The following CBLB variants were observed in gnomAD, a reference collection of about 807,000 sequenced individuals.
CBLB encodes E3 ubiquitin-protein ligase CBL-B.
Under a neutral mutation model 104.9 loss-of-function variants are expected in CBLB, and 31 were observed. The observed-to-expected ratio is 0.30, with a 90% confidence interval of 0.22 to 0.40. The LOEUF is 0.40. Among genes scored for constraint, CBLB ranks in the 10% least tolerant of loss-of-function variants. The pLI, the probability that CBLB is intolerant of heterozygous loss-of-function variation, is 1.00. For missense variants in CBLB, 1,062 were observed against 1,214.6 expected, an observed-to-expected ratio of 0.87 and a Z score of 1.87; for synonymous variants, 440 against 422.6, an observed-to-expected ratio of 1.04 and a Z score of -0.51.
chr3:105,787,104 T>A (rs1170508437), intron 3 of CBLB, among the ~76,000 whole-genome samples: 1 of 152,188 alleles, frequency 6.6e-6, no homozygotes, highest in African/African-American at 2.4e-5. Context: ...ATGGCTGTAA[T>A]AACCTACTAG....
upstream of CBLB, chr3:105,869,392 G>A (rs1195201612): frequency 7.5e-7 from 1 of 1,340,974 alleles, no homozygotes; most frequent in Non-Finnish European, 9.9e-7. Context: ...AAGCCATCTG[G>A]GGCTGAAAGG....
chr3:105,832,166 A>G (rs946588280), intron 3 of CBLB, among the ~76,000 whole-genome samples: 2 of 152,184 alleles, frequency 1.3e-5, no homozygotes, highest in South Asian at 4.1e-4. Context: ...GTACCATAAA[A>G]AGATTCCCAT....
chr3:105,753,186 AAG>A (rs1411356227), intron 4 of CBLB, among the ~76,000 whole-genome samples: 4 of 152,132 alleles, frequency 2.6e-5, no homozygotes, highest in Non-Finnish European at 5.9e-5. Flanking sequence ...CTGTATTTAT[AAG>A]AGAGTTTAGG....
At chr3:105,730,525 C>T (rs186361654) in intron 9 of CBLB, among the ~76,000 whole-genome samples, 1 of 152,098 alleles carries the variant, frequency 6.6e-6, no homozygotes, top group Non-Finnish European at 1.5e-5. Flanking sequence ...GTGCAGATAA[C>T]ATGCTAGCAG....
intron 14 of CBLB, among the ~76,000 whole-genome samples, chr3:105,683,690 T>C (rs1200138256): frequency 6.6e-6 from 1 of 152,206 alleles, no homozygotes; most frequent in Non-Finnish European, 1.5e-5. Context: ...AGGAATATCT[T>C]TTGTTCTCAA....
At chr3:105,741,384 TTTG>T (rs1317231069) in intron 6 of CBLB, among the ~76,000 whole-genome samples, 1 of 151,174 alleles carries the variant, frequency 6.6e-6, no homozygotes, top group Non-Finnish European at 1.5e-5. Context: ...TTGTTGTTAT[TTTG>T]TTGTTGTTGT....
intron 12 of CBLB, among the ~76,000 whole-genome samples, chr3:105,694,841 A>G (rs1284291999): frequency 1.3e-5 from 2 of 151,840 alleles, no homozygotes; most frequent in African/African-American, 4.8e-5. Flanking sequence ...TTTAAATACA[A>G]TGATTTTATC....
chr3:105,769,450 G>T lies in CBLB; in HGVS notation c.566+6946C>A, dbSNP rs567501639. On this transcript the variant is annotated intron_variant, in intron 4 of 18. Coordinates refer to ENST00000394030, the MANE Select transcript of CBLB (RefSeq NM_170662.5). The stretch of plus-strand genomic sequence containing the variant: ...ATTGGAAACCTCTCAATTGAGAAAT[G>T]GGGGCATGTCAGCAGTTCACTGTAA... 9.8e-5 allele frequency among the ~76,000 whole-genome samples: 15 copies of T among 152,308 alleles called. No homozygotes were observed. In the East Asian group the frequency reaches 2.9e-3, roughly 29 times the overall value.
intron 4 of CBLB, among the ~76,000 whole-genome samples, chr3:105,756,248 T>C (rs1360167431): frequency 6.6e-6 from 1 of 152,116 alleles, no homozygotes; most frequent in African/African-American, 2.4e-5. Flanking sequence ...ATTTTACAGA[T>C]TAAACTATAG....
chr3:105,797,127 G>A (rs747713620), intron 3 of CBLB, among the ~76,000 whole-genome samples: 2 of 152,086 alleles, frequency 1.3e-5, no homozygotes, highest in African/African-American at 2.4e-5. Flanking sequence ...ATAAAGACAC[G>A]TGAACGTATA....
chr3:105,699,786 T>C (rs1161009927), intron 12 of CBLB, among the ~76,000 whole-genome samples: 1 of 152,198 alleles, frequency 6.6e-6, no homozygotes, highest in Non-Finnish European at 1.5e-5. Context: ...GAATCAACTA[T>C]ATATAAATTC....
At chr3:105,773,299 T>C (rs1356143339) in intron 4 of CBLB, among the ~76,000 whole-genome samples, 1 of 152,094 alleles carries the variant, frequency 6.6e-6, no homozygotes, top group African/African-American at 2.4e-5. Context: ...GAAAACCAAA[T>C]ATCGTATGTT....
At chr3:105,776,322 C>T (rs770159508) in intron 4 of CBLB, 74 bp downstream of exon 4, 106 of 1,285,042 alleles carry the variant, frequency 8.2e-5, no homozygotes, top group Non-Finnish European at 1.1e-4. Context: ...AAATATATAC[C>T]ATATCCAACT....
rs377098423 is a variant in CBLB at position 105,752,960 on chromosome 3, G to T, written c.567-1342C>A. Among the ~76,000 whole-genome samples the T allele has an allele frequency of 7.2e-5, 11 of 152,278 alleles. No homozygotes were observed. The East Asian group carries it at 2.1e-3, about 29-fold the overall frequency. On this transcript the variant is annotated intron_variant, in intron 4 of 18. Transcript: ENST00000394030. ...ATTGCTAAAACAAGGCACTGTTGGG[G>T]AAATACAATTATAGAAATAAAGATA...
intron 3 of CBLB, among the ~76,000 whole-genome samples, chr3:105,777,723 T>C (rs888876516): frequency 2.0e-5 from 3 of 152,086 alleles, no homozygotes; most frequent in African/African-American, 4.8e-5. Context: ...AAGGAAAAAA[T>C]TGTAGTAATA....
chr3:105,671,000 C>A, intron 17 of CBLB: 1 of 175,558 alleles, frequency 5.7e-6, no homozygotes. Context: ...TTTGAATATA[C>A]AGTAAAATGT....
chr3:105,806,906 T>A (rs574870375), intron 3 of CBLB, among the ~76,000 whole-genome samples: 169 of 152,282 alleles, frequency 1.1e-3, no homozygotes, highest in Non-Finnish European at 1.8e-3. Flanking sequence ...CTTAAAAAAA[T>A]TTTTTAAGCA....
chr3:105,768,669 T>G (rs562508735), intron 4 of CBLB, among the ~76,000 whole-genome samples: 1 of 152,358 alleles, frequency 6.6e-6, no homozygotes, highest in South Asian at 2.1e-4. Context: ...TAGAAAGTCA[T>G]TGAAGACTCT....
intron 3 of CBLB, among the ~76,000 whole-genome samples, chr3:105,793,083 T>C (rs926248473): frequency 7.2e-5 from 11 of 152,016 alleles, no homozygotes; most frequent in African/African-American, 1.7e-4. Context: ...CCTTGGAAAA[T>C]GTCAGTCGAG....
Sources: allele counts gnomAD v4.1 joint callset (sites outside exome capture counted in the v4.1 genomes callset), GRCh38; gene constraint gnomAD v4.1.1; transcripts MANE v1.5; gene names NCBI Gene and HGNC (gene_info 2026-07-23, HGNC 2026-07-21).